Variants in SPOCK1 observed in about 807,000 individuals in gnomAD.
SPOCK1 encodes SPARC (osteonectin), cwcv and kazal like domains proteoglycan 1, also known as testican-1.
A neutral mutation model predicts 55.3 loss-of-function variants in SPOCK1; 23 were observed. That is an observed-to-expected ratio of 0.42 (90% CI 0.30 to 0.59). SPOCK1 has a LOEUF of 0.59. Among genes scored for constraint, SPOCK1 ranks in the 20% least tolerant of loss-of-function variants. The pLI, the probability that SPOCK1 is intolerant of heterozygous loss-of-function variation, is 0.22. For missense variants in SPOCK1, 499 were observed against 552.5 expected (o/e 0.90, Z 0.97); for synonymous variants, 226 against 221.0 (o/e 1.02, Z -0.20).
intron 3 of SPOCK1, among the ~76,000 whole-genome samples, chr5:137,142,063 G>C (rs181640382): frequency 7.9e-5 from 12 of 152,270 alleles, no homozygotes; most frequent in African/African-American, 2.9e-4. Context: ...GGGGCCTAAA[G>C]CCTATTAAGC....
intron 3 of SPOCK1, among the ~76,000 whole-genome samples, chr5:137,243,605 C>T (rs557525947): frequency 9.9e-4 from 151 of 152,276 alleles, no homozygotes; most frequent in Non-Finnish European, 2.0e-3. Flanking sequence ...AATTAATCAA[C>T]GTAAGAAATG....
intron 2 of SPOCK1, among the ~76,000 whole-genome samples, chr5:137,345,645 G>T (rs1169439929): frequency 6.6e-6 from 1 of 152,166 alleles, no homozygotes; most frequent in African/African-American, 2.4e-5. Context: ...TTCCCAAAAT[G>T]TGGTCCCTAT....
At chr5:137,480,829 T>A (rs1328025274) in intron 2 of SPOCK1, among the ~76,000 whole-genome samples, 1 of 151,592 alleles carries the variant, frequency 6.6e-6, no homozygotes, top group Admixed American at 6.6e-5. Flanking sequence ...AGGAGAAGAG[T>A]TTTATGCTGC....
intron 5 of SPOCK1, among the ~76,000 whole-genome samples, chr5:137,111,128 G>A (rs1297908053): frequency 6.6e-6 from 1 of 152,118 alleles, no homozygotes; most frequent in Non-Finnish European, 1.5e-5. Flanking sequence ...TCTGAGGACA[G>A]CAAGCAGTGA....
At chr5:137,314,111 A>G (rs1262758942) in intron 2 of SPOCK1, among the ~76,000 whole-genome samples, 1 of 151,394 alleles carries the variant, frequency 6.6e-6, no homozygotes, top group South Asian at 2.1e-4. Flanking sequence ...CAGGGGCTTT[A>G]TCCCAGTTAA....
At chr5:137,240,378 G>A (rs1048647576) in intron 3 of SPOCK1, among the ~76,000 whole-genome samples, 6 of 152,198 alleles carry the variant, frequency 3.9e-5, no homozygotes, top group African/African-American at 1.4e-4. Flanking sequence ...GCAGGCATAT[G>A]ACATGGCAAG....
chr5:137,419,594 T>G (rs921610892), intron 2 of SPOCK1, among the ~76,000 whole-genome samples: 5 of 152,224 alleles, frequency 3.3e-5, no homozygotes, highest in Non-Finnish European at 7.3e-5. Flanking sequence ...ATGATTTGGC[T>G]CTCTGTTTGT....
chr5:137,442,563 T>C (rs1419401510), intron 2 of SPOCK1, among the ~76,000 whole-genome samples: 1 of 152,180 alleles, frequency 6.6e-6, no homozygotes, highest in African/African-American at 2.4e-5. Context: ...ACAGAGTAGG[T>C]GCTCCATAAA....
At chr5:137,417,479 T>C (rs1478058936) in intron 2 of SPOCK1, among the ~76,000 whole-genome samples, 1 of 152,104 alleles carries the variant, frequency 6.6e-6, no homozygotes, top group Non-Finnish European at 1.5e-5. Context: ...CAAGATATTA[T>C]AGGACATTTC....
At chr5:137,025,427 C>T (rs1034677155) in intron 6 of SPOCK1, among the ~76,000 whole-genome samples, 7 of 152,172 alleles carry the variant, frequency 4.6e-5, no homozygotes, top group African/African-American at 1.2e-4. Flanking sequence ...CATACATTAC[C>T]TCTGCCCATA....
chr5:137,089,329 A>T (rs1480778279), intron 5 of SPOCK1, among the ~76,000 whole-genome samples: 1 of 152,246 alleles, frequency 6.6e-6, no homozygotes, highest in African/African-American at 2.4e-5. Flanking sequence ...CTTCTAGGGA[A>T]GGTGCTCCCA....
intron 2 of SPOCK1, among the ~76,000 whole-genome samples, chr5:137,482,206 C>T (rs1753965031): frequency 6.6e-6 from 1 of 152,182 alleles, no homozygotes; most frequent in South Asian, 2.1e-4. Flanking sequence ...CATGGTACAC[C>T]ACATAATGCT....
chr5:137,363,539 T>G (rs1750993880), intron 2 of SPOCK1, among the ~76,000 whole-genome samples: 1 of 152,108 alleles, frequency 6.6e-6, no homozygotes, highest in African/African-American at 2.4e-5. Flanking sequence ...TCACCTTGGG[T>G]AAATGACCAA....
intron 6 of SPOCK1, among the ~76,000 whole-genome samples, chr5:137,066,336 G>A (rs538926178): frequency 1.1e-4 from 17 of 152,084 alleles, no homozygotes; most frequent in South Asian, 2.1e-4. Flanking sequence ...ATGGGTTTTC[G>A]TCATGTTGGC....
intron 3 of SPOCK1, among the ~76,000 whole-genome samples, chr5:137,214,965 G>A (rs1294478076): frequency 1.3e-5 from 2 of 152,098 alleles, no homozygotes; most frequent in African/African-American, 4.8e-5. Flanking sequence ...CCTTAATTGG[G>A]TGCAGACCAA....
rs559278221 is a variant in SPOCK1, at chr5:137,159,468, C to T, written c.233-18774G>A. Among the ~76,000 whole-genome samples, 3 of 151,994 alleles carry T rather than the reference C, an allele frequency of 2.0e-5. No individual in the cohort carries two copies. The East Asian group carries it at 5.8e-4, about 29-fold the overall frequency. On this transcript the variant is annotated intron_variant, in intron 3 of 10. Coordinates refer to ENST00000394945, the MANE Select transcript of SPOCK1 (RefSeq NM_004598.4). ...AATATGTAGTTTTTTATCCTTCACCCCCACCAACCAGCCCCACCCCCGCCA... is the reference window on the plus strand; with the variant it reads ...AATATGTAGTTTTTTATCCTTCACCTCCACCAACCAGCCCCACCCCCGCCA...
At chr5:137,428,960 T>A (rs1192015315) in intron 2 of SPOCK1, among the ~76,000 whole-genome samples, 1 of 152,224 alleles carries the variant, frequency 6.6e-6, no homozygotes, top group Non-Finnish European at 1.5e-5. Context: ...CCCAACCTGT[T>A]TTCATCCTGC....
intron 2 of SPOCK1, among the ~76,000 whole-genome samples, chr5:137,372,801 C>T (rs1751228816): frequency 6.6e-6 from 1 of 152,140 alleles, no homozygotes. Context: ...GGACAAGCAC[C>T]AGGCAAAAAA....
intron 6 of SPOCK1, among the ~76,000 whole-genome samples, chr5:137,037,039 G>T (rs1751898935): frequency 6.6e-6 from 1 of 152,038 alleles, no homozygotes; most frequent in Non-Finnish European, 1.5e-5. Context: ...CTCCGATAGT[G>T]GCAATTAGAG....
Sources: gnomAD v4.1 joint callset for allele counts (sites outside exome capture counted in the v4.1 genomes callset) on GRCh38, gnomAD v4.1.1 for gene constraint, MANE v1.5 for transcripts, NCBI Gene and HGNC (gene_info 2026-07-23, HGNC 2026-07-21) for gene names.